The following NAP1L4 variants were observed in gnomAD, a reference collection of about 807,000 sequenced individuals.
NAP1L4 encodes nucleosome assembly protein 1-like 4.
Under a neutral mutation model 58.2 loss-of-function variants are expected in NAP1L4, and 15 were observed. The ratio of observed to expected loss-of-function variants is 0.26; its 90% CI spans 0.17 to 0.40. NAP1L4 has a LOEUF of 0.40. Ranked by LOEUF, NAP1L4 falls within the 10% of genes least tolerant of loss-of-function variation. The probability of loss-of-function intolerance (pLI) is 1.00; values close to 1 mark genes in which losing one functional copy is unlikely to be tolerated. For missense variants in NAP1L4, 384 were observed against 451.1 expected (o/e 0.85, Z 1.35); for synonymous variants, 171 against 155.6 (o/e 1.10, Z -0.74).
Position 2,946,881 on chromosome 11 carries a change from C to T in NAP1L4, c.*33-1235G>A, listed in dbSNP as rs1337547458. Among the ~76,000 whole-genome samples, 7 of 152,030 alleles carry T rather than the reference C, an allele frequency of 4.6e-5. No homozygotes were observed. Among genetic ancestry groups the T allele is most frequent in the African/African-American group, 1.7e-4 (7 of 41,372 alleles). Reference sequence around the variant, plus strand: ...GTGGCCAAGAACACTGAGCCACTGGCCTTAGGAGTGTGGGGGATGCAGGGC... The same window carrying T: ...GTGGCCAAGAACACTGAGCCACTGGTCTTAGGAGTGTGGGGGATGCAGGGC... On this transcript the variant is annotated intron_variant, in intron 15 of 15. Transcript: ENST00000380542. The surrounding 1 kb of genome is among the most constrained non-coding windows in gnomAD (Gnocchi z 4.8).
At chr11:2,957,646 A>G (rs1217497627) in intron 10 of NAP1L4, among the ~76,000 whole-genome samples, 2 of 152,254 alleles carry the variant, frequency 1.3e-5, no homozygotes, top group African/African-American at 4.8e-5. Context: ...AGGAAATTAT[A>G]TGAAAAATCC....
At chr11:2,965,572 G>A (rs1847224488) in intron 7 of NAP1L4, among the ~76,000 whole-genome samples, 1 of 151,936 alleles carries the variant, frequency 6.6e-6, no homozygotes, top group Non-Finnish European at 1.5e-5. Context: ...TTTTTGAGAC[G>A]GAGTCTGGCT....
At chr11:2,973,587 T>C (rs2133979245) in intron 4 of NAP1L4, among the ~76,000 whole-genome samples, 1 of 152,302 alleles carries the variant, frequency 6.6e-6, no homozygotes, top group Middle Eastern at 3.4e-3. Context: ...ACCACTCTCC[T>C]GGGTGAAATA....
chr11:2,979,373 T>C, intron 1 of NAP1L4, 136 bp from the exon 2 acceptor site: 1 of 676,890 alleles, frequency 1.5e-6, no homozygotes, highest in East Asian at 2.8e-5. Context: ...GTGATGAAAA[T>C]GTTCTAGATC....
intron 4 of NAP1L4, among the ~76,000 whole-genome samples, chr11:2,974,292 C>A (rs1847825922): frequency 6.6e-6 from 1 of 152,190 alleles, no homozygotes; most frequent in African/African-American, 2.4e-5. Flanking sequence ...CCCCAACAGT[C>A]CTTCAATCAT....
In NAP1L4 at chr11:2,958,488, T is replaced by C. The variant is rs1846680771; in HGVS notation, c.803A>G (p.Lys268Arg). 6.2e-7 allele frequency: 1 copy of C among 1,614,174 alleles called. No homozygotes were observed. Among genetic ancestry groups the C allele is most frequent in the Non-Finnish European group, 8.5e-7 (1 of 1,180,018 alleles). The part of the protein sequence containing the change: ...KNVTVKTIKK[K>R]QKHKGRGTVR... The stretch of plus-strand genomic sequence containing the variant: ...AGTGCCTCGACCCTTATGCTTCTGC[T>C]TTTTCTTGATGGTTTTGACAGTAAC... Residue 268 changes from lysine (K) to arginine (R), a missense_variant, in exon 10 of 16, where the codon AAG (lysine) becomes AGG (arginine). Lys to Arg is a conservative substitution (Grantham distance 26). Coordinates refer to ENST00000380542, the MANE Select transcript of NAP1L4 (RefSeq NM_005969.4).
intron 1 of NAP1L4, among the ~76,000 whole-genome samples, chr11:2,983,437 A>G (rs532317448): frequency 7.9e-4 from 121 of 152,232 alleles, no homozygotes; most frequent in African/African-American, 2.8e-3. Flanking sequence ...CTGCAGTCTC[A>G]AACTCCTAGC....
In NAP1L4 at chr11:2,971,127, T is replaced by A. The variant is rs1379140782; in HGVS notation, c.402+321A>T. 1.3e-5 allele frequency among the ~76,000 whole-genome samples: 2 copies of A among 152,194 alleles called. No individual in the cohort carries two copies. The highest frequency in any genetic ancestry group is 1.3e-4 in the Admixed American group (2 of 15,280). On this transcript the variant is annotated intron_variant, in intron 6 of 15. Coordinates refer to ENST00000380542, the MANE Select transcript of NAP1L4 (RefSeq NM_005969.4). This position sits in a 1 kb window ranked among gnomAD's most constrained non-coding sequence, Gnocchi z 4.2. ...CACTCCCCTCACAACTCCCCCAATCTTCCAGTGACTGAGAACACAGGGGCA... is the reference window on the plus strand; with the variant it reads ...CACTCCCCTCACAACTCCCCCAATCATCCAGTGACTGAGAACACAGGGGCA...
chr11:2,954,784 G>A lies in NAP1L4; in HGVS notation c.916-138C>T. ...CAAACTCCTGCACTGCTGGGGGACAGCCACTAGACACTCAAAGCCCCTTTA... is the reference window on the plus strand; with the variant it reads ...CAAACTCCTGCACTGCTGGGGGACAACCACTAGACACTCAAAGCCCCTTTA... On this transcript the variant is annotated intron_variant, in intron 11 of 15. Coordinates refer to ENST00000380542, the MANE Select transcript of NAP1L4 (RefSeq NM_005969.4). The surrounding 1 kb of genome is among the most constrained non-coding windows in gnomAD (Gnocchi z 4.8). The A allele has an allele frequency of 9.1e-7, 1 of 1,095,240 alleles. No individual in the cohort carries two copies. Among genetic ancestry groups the A allele is most frequent in the Non-Finnish European group, 1.4e-6 (1 of 737,646 alleles). The allele number at this position is 1,095,240 out of a possible 1,614,324, so 67.8% of individuals were successfully genotyped here.
At position 2,951,694 on chromosome 11, in the gene NAP1L4, C is replaced by A; in HGVS notation, c.1065+86G>T. 1 of 1,391,248 alleles carries A rather than the reference C, an allele frequency of 7.2e-7. No individual in the cohort carries two copies. Among genetic ancestry groups the A allele is most frequent in the Admixed American group, 1.7e-5 (1 of 59,040 alleles). The allele number at this position is 1,391,248 out of a possible 1,614,324, so 86.2% of individuals were successfully genotyped here. On this transcript the variant is annotated intron_variant, in intron 13 of 15. Transcript: ENST00000380542. This position sits in a 1 kb window ranked among gnomAD's most constrained non-coding sequence, Gnocchi z 4.0. ...GTCACAAAAAATGGGTTTAACACAGCCCTGTGAGTCCATAACCTTCAAGCA... is the reference window on the plus strand; with the variant it reads ...GTCACAAAAAATGGGTTTAACACAGACCTGTGAGTCCATAACCTTCAAGCA...
intron 2 of NAP1L4, 108 bp downstream of exon 2, chr11:2,979,099 C>T (rs892647875): frequency 8.1e-5 from 92 of 1,142,166 alleles, no homozygotes; most frequent in South Asian, 4.7e-4. Context: ...ATCAGCTAGA[C>T]GCTGAAATGC....
intron 12 of NAP1L4, among the ~76,000 whole-genome samples, chr11:2,953,471 A>T (rs1846351135): frequency 6.6e-6 from 1 of 152,248 alleles, no homozygotes. Context: ...GCACTGGACC[A>T]AGCAGGCAGA....
At chr11:2,987,221 A>C (rs1313342625) in intron 1 of NAP1L4, among the ~76,000 whole-genome samples, 4 of 152,078 alleles carry the variant, frequency 2.6e-5, no homozygotes, top group African/African-American at 9.7e-5. Flanking sequence ...TAGACTCCTG[A>C]TCCAGTCTAT....
At position 2,950,466 on chromosome 11, in the gene NAP1L4, C is replaced by T. The variant is rs150168768; in HGVS notation, c.1122+793G>A. On this transcript the variant is annotated intron_variant, in intron 14 of 15. Transcript: ENST00000380542. Reference sequence around the variant, plus strand: ...AACAAGGGTAAAAACAAGCAAAAAACGTCTAGTCGGACAGAGACACATTAC... The same window carrying T: ...AACAAGGGTAAAAACAAGCAAAAAATGTCTAGTCGGACAGAGACACATTAC... Among the ~76,000 whole-genome samples, 349 of 152,284 alleles carry T rather than the reference C, an allele frequency of 2.3e-3. 1 individual carries two copies. The highest frequency in any genetic ancestry group is 7.1e-3 in the African/African-American group (297 of 41,548).
intron 1 of NAP1L4, among the ~76,000 whole-genome samples, chr11:2,985,689 TAATA>T (rs1848576724): frequency 6.6e-6 from 1 of 152,168 alleles, no homozygotes; most frequent in African/African-American, 2.4e-5. Context: ...AATTTTGTGT[TAATA>T]AATAATAACT....
At chr11:2,952,466 A>G (rs2898800) in intron 12 of NAP1L4, 43,869 of 152,376 alleles carry the variant, frequency 0.29, 7,167 homozygotes, top group African/African-American at 0.45. Context: ...GTTGCATAAC[A>G]AGGGTAGTGC....
intron 7 of NAP1L4, among the ~76,000 whole-genome samples, chr11:2,967,055 T>A (rs531388623): frequency 1.3e-5 from 2 of 152,144 alleles, no homozygotes; most frequent in African/African-American, 4.8e-5. Flanking sequence ...ATTTCAACTA[T>A]CCCCAAATTT....
chr11:2,965,903 T>C (rs1321150918), intron 7 of NAP1L4, among the ~76,000 whole-genome samples: 1 of 152,068 alleles, frequency 6.6e-6, no homozygotes, highest in Non-Finnish European at 1.5e-5. Context: ...CATGGAAGAG[T>C]GGGCATCATG....
At chr11:2,979,336 A>G in intron 1 of NAP1L4, 99 bp from the exon 2 acceptor site, 4 of 985,592 alleles carry the variant, frequency 4.1e-6, no homozygotes, top group Non-Finnish European at 6.2e-6. Flanking sequence ...GGAGTCCACT[A>G]GAAGGGACAG....
Sources: allele counts gnomAD v4.1 joint callset (sites outside exome capture counted in the v4.1 genomes callset), GRCh38; gene constraint gnomAD v4.1.1; non-coding constraint Gnocchi (gnomAD v3.1); transcripts MANE v1.5; gene names NCBI Gene and HGNC (gene_info 2026-07-23, HGNC 2026-07-21).